The following TCP11L1 variants were observed in gnomAD, a reference collection of about 807,000 sequenced individuals.
TCP11L1 encodes the protein t-complex 11 like 1.
Under a neutral mutation model 48.9 loss-of-function variants are expected in TCP11L1, and 28 were observed. The observed-to-expected ratio is 0.57, with a 90% CI of 0.42 to 0.78. The LOEUF (loss-of-function observed/expected upper bound fraction) is 0.78. TCP11L1 is among the 30% of genes least tolerant of loss of function. The pLI is 0.00. For missense variants in TCP11L1, 505 were observed against 613.4 expected, an observed-to-expected ratio of 0.82 and a Z score of 1.87; for synonymous variants, 204 against 231.9, an observed-to-expected ratio of 0.88 and a Z score of 1.09.
chr11:33,060,901 GTTTGTTAAAT>G (rs2133729271), intron 6 of TCP11L1, among the ~76,000 whole-genome samples: 1 of 152,242 alleles, frequency 6.6e-6, no homozygotes, highest in Non-Finnish European at 1.5e-5. Flanking sequence ...GGGAAGGAAG[GTTTGTTAAAT>G]ACCAGGTGGG....
chr11:33,058,206 C>CTT (rs963733823), intron 5 of TCP11L1, 67 bp downstream of exon 5: 6 of 1,253,622 alleles, frequency 4.8e-6, no homozygotes, highest in East Asian at 2.7e-5. Context: ...TTTTTCTTTT[C>CTT]TTTTTTTTTT....
chr11:33,057,843 G>A, intron 4 of TCP11L1, 76 bp from the exon 5 acceptor site: 1 of 1,264,108 alleles, frequency 7.9e-7, no homozygotes, highest in Non-Finnish European at 1.1e-6. Flanking sequence ...GCCCTTATTT[G>A]GATAGTTATA....
chr11:33,057,818 C>A, intron 4 of TCP11L1, 101 bp from the exon 5 acceptor site: 1 of 956,032 alleles, frequency 1.0e-6, no homozygotes, highest in Non-Finnish European at 1.5e-6. Context: ...TGCAATATTA[C>A]GTAGCAATTG....
chr11:33,065,868 G>C lies in TCP11L1; in HGVS notation c.1011G>C (p.Gln337His). 6.2e-7 allele frequency: 1 copy of C among 1,614,106 alleles called. No homozygotes were observed. Among genetic ancestry groups the C allele is most frequent in the Non-Finnish European group, 8.5e-7 (1 of 1,179,962 alleles). Residue 337 changes from glutamine (Q) to histidine (H), a missense_variant, in exon 8 of 10, where the codon CAG becomes CAC. By Grantham distance (24) the Gln-to-His change is conservative. Coordinates refer to ENST00000334274, the MANE Select transcript of TCP11L1 (RefSeq NM_018393.4). Reference sequence around the variant, plus strand: ...ACCAGTCTCGCTTCCACGAGCTCCAGTTGCAGCTGGAACAACTGACCATCC... The same window carrying C: ...ACCAGTCTCGCTTCCACGAGCTCCACTTGCAGCTGGAACAACTGACCATCC... ...LMDQSRFHEL[Q>H]LQLEQLTILG...
At chr11:33,060,190 A>G (rs931071649) in intron 6 of TCP11L1, among the ~76,000 whole-genome samples, 4 of 151,966 alleles carry the variant, frequency 2.6e-5, no homozygotes, top group African/African-American at 7.3e-5. Context: ...GCTCACTGCA[A>G]CCTCCGCTAG....
At chr11:33,053,852 C>T (rs1854234519) in intron 2 of TCP11L1, among the ~76,000 whole-genome samples, 1 of 152,056 alleles carries the variant, frequency 6.6e-6, no homozygotes, top group Non-Finnish European at 1.5e-5. Context: ...TTTTTTGAGA[C>T]AGAGTCTTGC....
At chr11:33,047,624 C>T (rs1281867612) in intron 2 of TCP11L1, among the ~76,000 whole-genome samples, 1 of 152,210 alleles carries the variant, frequency 6.6e-6, no homozygotes. Flanking sequence ...CGAGAACTTA[C>T]ATTTCTAAAG....
intron 9 of TCP11L1, among the ~76,000 whole-genome samples, chr11:33,070,754 G>A (rs1461887488): frequency 6.6e-6 from 1 of 151,192 alleles, no homozygotes; most frequent in Non-Finnish European, 1.5e-5. Context: ...TGTAATCCCA[G>A]CATTTGGGAG....
intron 2 of TCP11L1, among the ~76,000 whole-genome samples, chr11:33,047,570 A>T (rs1242546756): frequency 2.0e-5 from 3 of 152,194 alleles, no homozygotes; most frequent in African/African-American, 7.2e-5. Flanking sequence ...GTCCTTGTGA[A>T]TTTAATTAGT....
intron 2 of TCP11L1, chr11:33,044,149 C>T: frequency 2.2e-6 from 1 of 447,586 alleles, no homozygotes; most frequent in South Asian, 4.4e-5. Flanking sequence ...GAATAATGTC[C>T]AGAACGTTCC....
chr11:33,055,074 T>C (rs936135087), intron 3 of TCP11L1, among the ~76,000 whole-genome samples: 1 of 151,808 alleles, frequency 6.6e-6, no homozygotes, highest in Admixed American at 6.6e-5. Context: ...CACTTAACCA[T>C]TTTTTTATTG....
chr11:33,048,184 A>ATT (rs35718306), intron 2 of TCP11L1, among the ~76,000 whole-genome samples: 64 of 148,198 alleles, frequency 4.3e-4, no homozygotes, highest in Non-Finnish European at 5.4e-4. Context: ...GTATCTTTAC[A>ATT]TTTTTTTTTT....
chr11:33,059,086 A>G lies in TCP11L1; in HGVS notation c.766A>G (p.Arg256Gly). 3.7e-6 allele frequency: 6 copies of G among 1,613,896 alleles called. No individual in the cohort carries two copies. The highest frequency in any genetic ancestry group is 4.2e-6 in the Non-Finnish European group (5 of 1,179,938). ...GAAGAAGTTTCAAGAGATTTTGGAG[A>G]GGCAACCAAGTATGTTGAATATTTT... is the stretch of plus-strand genomic sequence containing the variant. ...ERKKFQEILE[R>G]QPNSLDFVTQ... The change falls in exon 6 of 10, where the codon AGG (arginine) becomes GGG (glycine). Residue 256 changes from arginine to glycine, a missense_variant. Coordinates refer to ENST00000334274, the MANE Select transcript of TCP11L1 (RefSeq NM_018393.4).
At chr11:33,071,317 A>G (rs1277769866) in intron 9 of TCP11L1, among the ~76,000 whole-genome samples, 2 of 151,340 alleles carry the variant, frequency 1.3e-5, no homozygotes. Context: ...GTGTCTCGAG[A>G]AAAAAAAAGA....
In TCP11L1 at chr11:33,057,223, A is replaced by G. The variant is rs1419722340; in HGVS notation, c.405A>G (p.Gly135=). 12 of 1,614,032 alleles carry G rather than the reference A, an allele frequency of 7.4e-6. No individual in the cohort carries two copies. The highest frequency in any genetic ancestry group is 3.4e-6 in the Non-Finnish European group (4 of 1,180,032). ...ATGACCATGCTATCAAACTTGTAGGAGAAATCAAAGAGGTGAGGCAAAGAG... is the reference window on the plus strand; with the variant it reads ...ATGACCATGCTATCAAACTTGTAGGGGAAATCAAAGAGGTGAGGCAAAGAG... ...PAYDHAIKLV[G]EIKETLLSFL... The change falls in exon 4 of 10, where the codon GGA becomes GGG. Residue 135 remains glycine (G), a synonymous_variant. Coordinates refer to ENST00000334274, the MANE Select transcript of TCP11L1 (RefSeq NM_018393.4).
Position 33,057,204 on chromosome 11 carries a change from A to G in TCP11L1, c.386A>G (p.His129Arg). 6.2e-7 allele frequency: 1 copy of G among 1,614,138 alleles called. No homozygotes were observed. Residue 129 changes from histidine (H) to arginine (R), a missense_variant, in exon 4 of 10, where the codon CAT (histidine) becomes CGT (arginine). Physicochemically the swap from His to Arg is conservative, Grantham distance 29. This residue lies in a region of TCP11L1 where 168 missense variants were observed against 183.5 expected (regional missense o/e 0.92). Coordinates refer to ENST00000334274, the MANE Select transcript of TCP11L1 (RefSeq NM_018393.4). ...AGTGAAGATCCCCCAGCATATGACC[A>G]TGCTATCAAACTTGTAGGAGAAATC... ...QLSEDPPAYDHAIKLVGEIKE... is the reference protein window; with the variant it reads ...QLSEDPPAYDRAIKLVGEIKE...
intron 9 of TCP11L1, among the ~76,000 whole-genome samples, chr11:33,069,408 A>G (rs987948515): frequency 6.6e-6 from 1 of 151,750 alleles, no homozygotes; most frequent in Non-Finnish European, 1.5e-5. Context: ...TTTAAAATTT[A>G]TAATAAACTT....
rs1854604709 is a variant in TCP11L1, at chr11:33,065,950, G to A, written c.1093G>A (p.Ala365Thr). ...GGCAGCGCCAGGAATTTCCAGCCAG[G>A]CCGACTTTGCTGAGAAACTCAAGAT... Reference protein sequence around the residue: ...SMAAPGISSQADFAEKLKMIV... With the variant: ...SMAAPGISSQTDFAEKLKMIV... Residue 365 changes from alanine (A) to threonine (T), a missense_variant, in exon 8 of 10, where the codon GCC (alanine) becomes ACC (threonine). Physicochemically the swap from Ala to Thr is moderately conservative, Grantham distance 58 (BLOSUM62 0). Around this residue, in one of 3 missense-constraint regions of TCP11L1, gnomAD observed 335 missense variants for 413.3 expected, o/e 0.81. Transcript: ENST00000334274. The A allele has an allele frequency of 1.9e-6, 3 of 1,614,094 alleles. No homozygotes were observed. The East Asian group carries it at 6.7e-5, about 36-fold the overall frequency.
At chr11:33,053,418 T>C (rs947241022) in intron 2 of TCP11L1, among the ~76,000 whole-genome samples, 1 of 152,172 alleles carries the variant, frequency 6.6e-6, no homozygotes, top group African/African-American at 2.4e-5. Context: ...GTGCTGGGAT[T>C]ACAGGTGTGA....
Sources: allele counts gnomAD v4.1 joint callset (sites outside exome capture counted in the v4.1 genomes callset), GRCh38; gene constraint gnomAD v4.1.1; regional missense constraint gnomAD v4.1.1; transcripts MANE v1.5; gene names NCBI Gene and HGNC (gene_info 2026-07-23, HGNC 2026-07-21).